Variants in PCDH9 observed in about 807,000 individuals in gnomAD.
PCDH9 encodes the protein protocadherin 9, also known as protocadherin-9.
In PCDH9, 24 loss-of-function variants were observed where a neutral mutation model predicts 70.6. The observed-to-expected ratio is 0.34, with a 90% CI of 0.25 to 0.48. PCDH9 has a LOEUF of 0.48. Ranked by LOEUF, PCDH9 falls within the 20% of genes least tolerant of loss-of-function variation. The pLI is 0.99. For synonymous variants in PCDH9, 562 were observed against 558.5 expected (o/e 1.01, Z -0.09); for missense variants, 1,281 against 1,503.6 (o/e 0.85, Z 2.45).
chr13:66,309,172 A>C lies in PCDH9; in HGVS notation c.3341-4144T>G, dbSNP rs148755816. ...TTTGGGTCTCTATGTAATTCCCAGTAATTGCTGTGATATTAAGGAGAAAAC... is the reference window on the plus strand; with the variant it reads ...TTTGGGTCTCTATGTAATTCCCAGTCATTGCTGTGATATTAAGGAGAAAAC... On this transcript the variant is annotated intron_variant, in intron 4 of 4. Coordinates refer to ENST00000377865, the MANE Select transcript of PCDH9 (RefSeq NM_203487.3). Among the ~76,000 whole-genome samples, 510 of 152,168 alleles carry C rather than the reference A, an allele frequency of 3.4e-3. 3 individuals are homozygous for C. The highest frequency in any genetic ancestry group is 0.01 in the African/African-American group (426 of 41,550).
chr13:67,074,739 G>A (rs535667829), intron 2 of PCDH9, among the ~76,000 whole-genome samples: 1 of 152,230 alleles, frequency 6.6e-6, no homozygotes, highest in Admixed American at 6.6e-5. Context: ...GTTGCCTAAT[G>A]TGTTTTAATG....
intron 3 of PCDH9, among the ~76,000 whole-genome samples, chr13:66,697,542 G>T (rs1191697966): frequency 1.3e-5 from 2 of 152,114 alleles, no homozygotes; most frequent in Non-Finnish European, 2.9e-5. Context: ...TTTAAAACAA[G>T]ATTTTTCAAT....
chr13:67,042,271 A>T (rs919724151), intron 2 of PCDH9, among the ~76,000 whole-genome samples: 3 of 152,296 alleles, frequency 2.0e-5, no homozygotes, highest in South Asian at 2.1e-4. Context: ...GTAATTTATA[A>T]AGGAAAGATG....
In PCDH9 at chr13:66,363,891, G is replaced by A. The variant is rs532217628; in HGVS notation, c.3341-58863C>T. 3.3e-5 allele frequency among the ~76,000 whole-genome samples: 5 copies of A among 152,102 alleles called. No individual in the cohort carries two copies. The East Asian group carries it at 5.8e-4, about 18-fold the overall frequency. On this transcript the variant is annotated intron_variant, in intron 4 of 4. Coordinates refer to ENST00000377865, the MANE Select transcript of PCDH9 (RefSeq NM_203487.3). Reference sequence around the variant, plus strand: ...CAGTTTAGTCCAGGTGTGATGGATCGTGCCTGTAATCCCAACACTTTGGGA... The same window carrying A: ...CAGTTTAGTCCAGGTGTGATGGATCATGCCTGTAATCCCAACACTTTGGGA...
chr13:67,081,196 C>A (rs1594483533), intron 2 of PCDH9, among the ~76,000 whole-genome samples: 1 of 152,140 alleles, frequency 6.6e-6, no homozygotes, highest in Non-Finnish European at 1.5e-5. Flanking sequence ...AGAATAATGG[C>A]AATCACATAT....
intron 2 of PCDH9, among the ~76,000 whole-genome samples, chr13:67,135,991 T>G (rs2087223516): frequency 6.6e-6 from 1 of 152,114 alleles, no homozygotes; most frequent in African/African-American, 2.4e-5. Flanking sequence ...TTCCTCCCCA[T>G]CCATACTGAA....
chr13:66,404,882 A>G (rs953105828), intron 4 of PCDH9, among the ~76,000 whole-genome samples: 5 of 152,192 alleles, frequency 3.3e-5, no homozygotes, highest in African/African-American at 1.2e-4. Flanking sequence ...GGAATTGTAG[A>G]AACATTCCTG....
chr13:66,503,127 AT>A (rs1959185614), intron 4 of PCDH9, among the ~76,000 whole-genome samples: 1 of 152,218 alleles, frequency 6.6e-6, no homozygotes, highest in Non-Finnish European at 1.5e-5. Flanking sequence ...AAACATGCTT[AT>A]TATCTACAAT....
At chr13:66,391,468 T>C (rs1957016842) in intron 4 of PCDH9, among the ~76,000 whole-genome samples, 1 of 152,156 alleles carries the variant, frequency 6.6e-6, no homozygotes, top group Admixed American at 6.6e-5. Context: ...TGTCAACAAG[T>C]GTATCAAATA....
chr13:66,622,022 T>C lies in PCDH9; in HGVS notation c.3340+9188A>G, dbSNP rs368038516. ...CTGGAGTTCCGGGTGGGCGTGGGCT[T>C]GGTGGGCCCCGCACTCGGAGCAGCC... On this transcript the variant is annotated intron_variant, in intron 4 of 4. Transcript: ENST00000377865. Among the ~76,000 whole-genome samples, 7 of 152,322 alleles carry C rather than the reference T, an allele frequency of 4.6e-5. No individual in the cohort carries two copies. The East Asian group carries it at 1.4e-3, about 29-fold the overall frequency.
chr13:67,061,982 GC>G (rs1193808450), intron 2 of PCDH9, among the ~76,000 whole-genome samples: 1 of 152,132 alleles, frequency 6.6e-6, no homozygotes, highest in East Asian at 1.9e-4. Context: ...GGCGGTAACG[GC>G]AGGGAATTCT....
At chr13:66,689,980 T>C (rs1190696984) in intron 3 of PCDH9, among the ~76,000 whole-genome samples, 2 of 152,150 alleles carry the variant, frequency 1.3e-5, no homozygotes, top group African/African-American at 2.4e-5. Flanking sequence ...CCTTTGAAAA[T>C]TAAATACAGC....
In PCDH9 at chr13:66,304,162, A is replaced by C. The variant is rs1955417486; in HGVS notation, c.*493T>G. 1 of 152,330 alleles carries C rather than the reference A, an allele frequency of 6.6e-6. No homozygotes were observed. Among genetic ancestry groups the C allele is most frequent in the African/African-American group, 2.4e-5 (1 of 40,892 alleles). The allele number at this position is 152,330 out of a possible 1,614,324, so 9.4% of individuals were successfully genotyped here. The stretch of plus-strand genomic sequence containing the variant: ...AACACTGATTGACTTACAAGTGTCC[A>C]CTAACGTTGTTAACAGCACAATAGG... On this transcript the variant is annotated 3_prime_UTR_variant, in exon 5 of 5. Coordinates refer to ENST00000377865, the MANE Select transcript of PCDH9 (RefSeq NM_203487.3).
At chr13:67,013,764 C>T (rs536104697) in intron 2 of PCDH9, among the ~76,000 whole-genome samples, 12 of 151,600 alleles carry the variant, frequency 7.9e-5, no homozygotes, top group South Asian at 2.1e-4. Context: ...TACAATGTCC[C>T]GTATAAAAAC....
chr13:66,896,944 C>T (rs1172755031), intron 3 of PCDH9, among the ~76,000 whole-genome samples: 1 of 152,150 alleles, frequency 6.6e-6, no homozygotes, highest in East Asian at 1.9e-4. Flanking sequence ...CCTGATCATT[C>T]ACTTTGTAAA....
At chr13:66,958,047 A>G (rs1566320061) in intron 2 of PCDH9, among the ~76,000 whole-genome samples, 1 of 152,184 alleles carries the variant, frequency 6.6e-6, no homozygotes, top group Non-Finnish European at 1.5e-5. Flanking sequence ...AAACAAGGAG[A>G]AATATGATTG....
intron 3 of PCDH9, among the ~76,000 whole-genome samples, chr13:66,874,583 G>T (rs571403173): frequency 4.8e-4 from 73 of 152,166 alleles, no homozygotes; most frequent in African/African-American, 1.7e-3. Flanking sequence ...CCTTTCTCTT[G>T]ACATAGCTTT....
chr13:66,976,186 T>C (rs2083616391), intron 2 of PCDH9, among the ~76,000 whole-genome samples: 1 of 152,100 alleles, frequency 6.6e-6, no homozygotes, highest in South Asian at 2.1e-4. Context: ...TCTTCAATTC[T>C]AAAATCCCCT....
chr13:67,226,246 G>A lies in PCDH9; in HGVS notation c.2195C>T (p.Thr732Ile), dbSNP rs1284070033. ...NKGLFRIDPV[T>I]GNITLEEKPA... The stretch of plus-strand genomic sequence containing the variant: ...TTTTTCTTCCAGAGTAATGTTACCT[G>A]TTACTGGATCAATCCGGAATAAGCC... Residue 732 changes from threonine (T) to isoleucine (I), a missense_variant, in exon 2 of 5, where the codon ACA (threonine) becomes ATA (isoleucine). Physicochemically the swap from Thr to Ile is moderately conservative, Grantham distance 89. Coordinates refer to ENST00000377865, the MANE Select transcript of PCDH9 (RefSeq NM_203487.3). This position sits in a 1 kb window ranked among gnomAD's most constrained non-coding sequence, Gnocchi z 5.0. 1 of 1,614,140 alleles carries A rather than the reference G, an allele frequency of 6.2e-7. No individual in the cohort carries two copies. Among genetic ancestry groups the A allele is most frequent in the Non-Finnish European group, 8.5e-7 (1 of 1,180,006 alleles).
Sources: allele counts gnomAD v4.1 joint callset (sites outside exome capture counted in the v4.1 genomes callset), GRCh38; gene constraint gnomAD v4.1.1; non-coding constraint Gnocchi (gnomAD v3.1); transcripts MANE v1.5; gene names NCBI Gene and HGNC (gene_info 2026-07-23, HGNC 2026-07-21).